The following MSANTD1 variants were observed in gnomAD, a reference collection of about 807,000 sequenced individuals.
MSANTD1 encodes the protein myb/SANT-like DNA-binding domain-containing protein 1.
MSANTD1 carries 7 observed loss-of-function variants against 24.2 expected under a neutral mutation model. That is an observed-to-expected ratio of 0.29 (90% confidence interval 0.16 to 0.54). The LOEUF is 0.54. Among genes scored for constraint, MSANTD1 ranks in the 20% least tolerant of loss-of-function variants. The pLI is 0.94. For missense variants in MSANTD1, 384 were observed against 408.2 expected (o/e 0.94, Z 0.51); for synonymous variants, 177 against 181.1 (o/e 0.98, Z 0.18).
rs1722378925 is a variant in MSANTD1 at position 3,255,985 on chromosome 4, G to GGCT, written c.*22_*23insTGC. 1 of 1,485,228 alleles carries GGCT rather than the reference G, an allele frequency of 6.7e-7. No individual in the cohort carries two copies. The highest frequency in any genetic ancestry group is 8.9e-7 in the Non-Finnish European group (1 of 1,119,096). The allele number at this position is 1,485,228 out of a possible 1,614,324, so 92.0% of individuals were successfully genotyped here. The stretch of plus-strand genomic sequence containing the variant: ...GTCTAGGCCAGCAGGCGGCGGCGGC[G>GGCT]GCGGGGCCGGGCGGCTGGTGGTACT... On this transcript the variant is annotated 3_prime_UTR_variant, in exon 3 of 3. Coordinates refer to ENST00000438480, the MANE Select transcript of MSANTD1 (RefSeq NM_001042690.2).
Position 3,253,456 on chromosome 4 carries a change from C to T in MSANTD1, c.570C>T (p.Ser190=), listed in dbSNP as rs747470615. The change falls in exon 2 of 3, where the codon TCC becomes TCT. Residue 190 remains serine (S), a synonymous_variant. Coordinates refer to ENST00000438480, the MANE Select transcript of MSANTD1 (RefSeq NM_001042690.2). The stretch of plus-strand genomic sequence containing the variant: ...TCGAGGATGATCGCTCCGACAGCTC[C>T]TCCAGCTTACTGTCCCTTAAGTTCA... ...GRFEDDRSDS[S]SSLLSLKFRS... 7.6e-6 allele frequency: 12 copies of T among 1,572,310 alleles called. No individual in the cohort carries two copies. The highest frequency in any genetic ancestry group is 1.0e-5 in the Non-Finnish European group (12 of 1,154,310).
rs528256138 is a variant in MSANTD1, at chr4:3,255,708, C to T, written c.597-17C>T. On this transcript the variant is annotated splice_polypyrimidine_tract_variant and intron_variant, in intron 2 of 2. Coordinates refer to ENST00000438480, the MANE Select transcript of MSANTD1 (RefSeq NM_001042690.2). ...GCTCTGTGGCCAGCACGTCCACAGC[C>T]GGCACTGTCCTTCCAGGTCGGAGGA... 1.5e-5 allele frequency: 23 copies of T among 1,519,438 alleles called. No homozygotes were observed. In the East Asian group the frequency reaches 2.2e-4, roughly 15 times the overall value. 94.1% of individuals were successfully genotyped at this position (1,519,438 alleles called of 1,614,324 possible).
chr4:3,250,089 G>A (rs930951009), intron 1 of MSANTD1, among the ~76,000 whole-genome samples: 20 of 152,140 alleles, frequency 1.3e-4, no homozygotes, highest in African/African-American at 3.1e-4. Flanking sequence ...GCCATGAGCC[G>A]GTGAGCCCCA....
At chr4:3,250,002 G>A (rs1488240677) in intron 1 of MSANTD1, among the ~76,000 whole-genome samples, 39 of 152,368 alleles carry the variant, frequency 2.6e-4, no homozygotes, top group Non-Finnish European at 4.4e-5. Context: ...GGGGCCTACT[G>A]CGTCATTGGG....
At chr4:3,248,949 G>T, upstream of MSANTD1, 1 of 355,036 alleles carries the variant, frequency 2.8e-6, no homozygotes, top group Non-Finnish European at 5.0e-6. Context: ...CTGGGCGGCG[G>T]TGAGAGGCAG....
upstream of MSANTD1, chr4:3,246,636 C>T (rs974358106): frequency 2.9e-6 from 2 of 696,774 alleles, no homozygotes; most frequent in African/African-American, 3.5e-5. Flanking sequence ...CCCGTAGCGA[C>T]TGAGGGTCCC....
At chr4:3,246,799 T>C, upstream of MSANTD1, 1 of 579,894 alleles carries the variant, frequency 1.7e-6, no homozygotes, top group Admixed American at 2.9e-5. Context: ...GTGAGGGCTC[T>C]GCCTCGGGAA....
intron 2 of MSANTD1, among the ~76,000 whole-genome samples, chr4:3,254,510 C>A (rs1168383562): frequency 6.6e-6 from 1 of 152,236 alleles, no homozygotes; most frequent in Non-Finnish European, 1.5e-5. Context: ...CCTGATCAGG[C>A]CCAAAGCGCG....
chr4:3,253,100 C>G, intron 1 of MSANTD1, 107 bp from the exon 2 acceptor site: 2 of 1,196,586 alleles, frequency 1.7e-6, no homozygotes, highest in Non-Finnish European at 2.3e-6. Context: ...CAGCCGAGAG[C>G]GGCTCCTGCC....
intron 2 of MSANTD1, among the ~76,000 whole-genome samples, chr4:3,254,200 T>C (rs916835642): frequency 3.9e-5 from 6 of 152,050 alleles, no homozygotes; most frequent in African/African-American, 1.2e-4. Flanking sequence ...AACAGGAAGA[T>C]TGTGGATTTG....
intron 1 of MSANTD1, among the ~76,000 whole-genome samples, chr4:3,249,890 CATGGTGGTG>C (rs1171760221): frequency 2.8e-4 from 43 of 152,196 alleles, no homozygotes; most frequent in Non-Finnish European, 7.3e-5. Context: ...CAGCAACACT[CATGGTGGTG>C]CCCACTGACC....
upstream of MSANTD1, among the ~76,000 whole-genome samples, chr4:3,245,616 G>A (rs979335632): frequency 6.6e-6 from 1 of 152,232 alleles, no homozygotes; most frequent in African/African-American, 2.4e-5. Context: ...CATGAGCACC[G>A]TGACAGTGTC....
At position 3,256,135 on chromosome 4, in the gene MSANTD1, C is replaced by G; in HGVS notation, c.*170C>G. ...TCTGAGGGGTATTTTGAGGAACCCC[C>G]AGGCCCTGGGGACCGTGAGGCTCCA... On this transcript the variant is annotated 3_prime_UTR_variant, in exon 3 of 3. Transcript: ENST00000438480. 1 of 786,710 alleles carries G rather than the reference C, an allele frequency of 1.3e-6. No individual in the cohort carries two copies. The highest frequency in any genetic ancestry group is 1.9e-6 in the Non-Finnish European group (1 of 539,138). 48.7% of individuals were successfully genotyped at this position (786,710 alleles called of 1,614,324 possible).
rs1722294682 is a variant in MSANTD1, at chr4:3,253,459, C to T, written c.573C>T (p.Ser191=). 1 of 1,571,562 alleles carries T rather than the reference C, an allele frequency of 6.4e-7. No homozygotes were observed. Among genetic ancestry groups the T allele is most frequent in the African/African-American group, 1.4e-5 (1 of 73,942 alleles). ...RFEDDRSDSS[S]SLLSLKFRSE... is the part of the protein sequence containing the mutation. ...AGGATGATCGCTCCGACAGCTCCTC[C>T]AGCTTACTGTCCCTTAAGTTCAGGT... Residue 191 remains serine (S), a synonymous_variant, in exon 2 of 3, where the codon TCC becomes TCT. Transcript: ENST00000438480.
chr4:3,249,650 C>A, intron 1 of MSANTD1, 108 bp downstream of exon 1: 1 of 1,154,088 alleles, frequency 8.7e-7, no homozygotes, highest in Non-Finnish European at 1.2e-6. Flanking sequence ...TGGGTCGTGG[C>A]CTGCCTGTCG....
chr4:3,256,103 T>A lies in MSANTD1; in HGVS notation c.*138T>A. ...GCCTTCCACCTGGCCTCTGGCAGGA[T>A]GTCCCTTCTGAGGGGTATTTTGAGG... On this transcript the variant is annotated 3_prime_UTR_variant, in exon 3 of 3. Transcript: ENST00000438480. The A allele has an allele frequency of 1.8e-6, 2 of 1,118,728 alleles. No homozygotes were observed. Among genetic ancestry groups the A allele is most frequent in the Non-Finnish European group, 2.4e-6 (2 of 831,752 alleles). The allele number at this position is 1,118,728 out of a possible 1,614,324, so 69.3% of individuals were successfully genotyped here. A position where few individuals can be genotyped will look rare whatever the true frequency, so the allele number is the denominator to read the frequency against.
chr4:3,255,026 C>T (rs74689895), intron 2 of MSANTD1, among the ~76,000 whole-genome samples: 3,261 of 152,308 alleles, frequency 0.021, 128 homozygotes, highest in African/African-American at 0.073. Context: ...GGTCTCTCCA[C>T]CCCTGGCCCC....
intron 1 of MSANTD1, among the ~76,000 whole-genome samples, chr4:3,250,733 T>C (rs558635297): frequency 3.9e-4 from 60 of 152,246 alleles, no homozygotes; most frequent in African/African-American, 1.3e-3. Context: ...ACTCAGCTGC[T>C]CCACCTCCGG....
chr4:3,255,660 G>C, intron 2 of MSANTD1, 65 bp from the exon 3 acceptor site: 1 of 1,447,670 alleles, frequency 6.9e-7, no homozygotes, highest in Non-Finnish European at 9.1e-7. Flanking sequence ...GGGAGGGTCC[G>C]GTGAGGCCCC....
Sources: gnomAD v4.1 joint callset for allele counts (sites outside exome capture counted in the v4.1 genomes callset) on GRCh38, gnomAD v4.1.1 for gene constraint, MANE v1.5 for transcripts, NCBI Gene and HGNC (gene_info 2026-07-23, HGNC 2026-07-21) for gene names.